The following SIK3 variants were observed in gnomAD, a reference collection of about 807,000 sequenced individuals.
SIK3 encodes serine/threonine-protein kinase SIK3.
In SIK3, 28 loss-of-function variants were observed where a neutral mutation model predicts 144.2. That is an observed-to-expected ratio of 0.19 (90% confidence interval 0.14 to 0.27). The LOEUF (loss-of-function observed/expected upper bound fraction) is 0.27, where lower values mean the gene tolerates loss of function less well. Ranked by LOEUF, SIK3 falls within the 10% of genes least tolerant of loss-of-function variation. SIK3 has a pLI of 1.00. For missense variants in SIK3, 1,319 were observed against 1,776.0 expected (o/e 0.74, Z 4.62); for synonymous variants, 686 against 676.3 (o/e 1.01, Z -0.22).
intron 3 of SIK3, among the ~76,000 whole-genome samples, chr11:116,940,086 C>T (rs969362424): frequency 6.6e-6 from 1 of 152,128 alleles, no homozygotes; most frequent in Non-Finnish European, 1.5e-5. Flanking sequence ...TATGAAAGAA[C>T]AACTGATATT....
At chr11:117,069,140 G>A (rs890546334) in intron 1 of SIK3, among the ~76,000 whole-genome samples, 2 of 139,696 alleles carry the variant, frequency 1.4e-5, no homozygotes, top group Non-Finnish European at 3.1e-5. Context: ...AAAGGGGTAG[G>A]CTTGACAATT....
At chr11:116,923,981 G>C (rs543609963) in intron 4 of SIK3, among the ~76,000 whole-genome samples, 48 of 152,124 alleles carry the variant, frequency 3.2e-4, no homozygotes, top group African/African-American at 1.1e-3. Context: ...AAAACTAAAG[G>C]ATATAAAATT....
intron 3 of SIK3, among the ~76,000 whole-genome samples, chr11:116,933,339 C>T (rs952701710): frequency 1.3e-5 from 2 of 152,050 alleles, no homozygotes; most frequent in Admixed American, 1.3e-4. Flanking sequence ...CAGGGTTTCA[C>T]CATATTGGCC....
At chr11:117,014,715 T>G (rs1951447598) in intron 1 of SIK3, among the ~76,000 whole-genome samples, 1 of 152,224 alleles carries the variant, frequency 6.6e-6, no homozygotes, top group South Asian at 2.1e-4. Flanking sequence ...CATTATGCAA[T>G]GATTACCATA....
intron 1 of SIK3, among the ~76,000 whole-genome samples, chr11:117,025,117 C>T (rs1447162834): frequency 6.6e-6 from 1 of 152,156 alleles, no homozygotes; most frequent in Non-Finnish European, 1.5e-5. Context: ...TACTACCTCA[C>T]TCAGTGTGGA....
At chr11:116,976,796 T>A (rs1410909707) in intron 1 of SIK3, among the ~76,000 whole-genome samples, 1 of 152,208 alleles carries the variant, frequency 6.6e-6, no homozygotes, top group Non-Finnish European at 1.5e-5. Context: ...TTTTCTATTT[T>A]AAAAAATGTC....
chr11:116,919,796 C>T (rs912847620), intron 4 of SIK3, among the ~76,000 whole-genome samples: 17 of 152,158 alleles, frequency 1.1e-4, no homozygotes, highest in Admixed American at 7.9e-4. Flanking sequence ...TTCTTTATTT[C>T]TAAACATATC....
chr11:116,994,411 C>A (rs1950592128), intron 1 of SIK3, among the ~76,000 whole-genome samples: 1 of 152,212 alleles, frequency 6.6e-6, no homozygotes, highest in East Asian at 1.9e-4. Flanking sequence ...CCTGGAGCCA[C>A]ACTGACTGCT....
At chr11:116,862,045 G>C in intron 17 of SIK3, 119 bp from the exon 18 acceptor site, 1 of 1,280,568 alleles carries the variant, frequency 7.8e-7, no homozygotes, top group Non-Finnish European at 1.1e-6. Context: ...TGCTTTTGTT[G>C]TTCACCAGAA....
At chr11:117,089,201 C>A (rs925794812) in intron 1 of SIK3, among the ~76,000 whole-genome samples, 2 of 151,764 alleles carry the variant, frequency 1.3e-5, no homozygotes, top group Non-Finnish European at 2.9e-5. Context: ...GTCAGGAAAT[C>A]GAGACCAGCC....
intron 13 of SIK3, among the ~76,000 whole-genome samples, chr11:116,870,811 T>C (rs897702599): frequency 1.3e-5 from 2 of 152,056 alleles, no homozygotes; most frequent in African/African-American, 2.4e-5. Context: ...CTGGAGGAGG[T>C]AGCACCTAGC....
At chr11:117,096,350 A>C (rs1955468813) in intron 1 of SIK3, among the ~76,000 whole-genome samples, 1 of 152,242 alleles carries the variant, frequency 6.6e-6, no homozygotes, top group Non-Finnish European at 1.5e-5. Flanking sequence ...TCAGAGCAAA[A>C]TAACCACAGG....
At chr11:116,848,916 T>C (rs948181075) in intron 22 of SIK3, among the ~76,000 whole-genome samples, 2 of 152,054 alleles carry the variant, frequency 1.3e-5, no homozygotes, top group Admixed American at 6.5e-5. Context: ...TGAGCTGATA[T>C]CGCGCCACTG....
rs1395828908 is a variant in SIK3 at position 117,036,230 on chromosome 11, AT to A, written c.273+61912del. ...GCCAATGTGCCCAGCCAAAAATAAA[AT>A]TTAAAAAAAAATAATGTAGGTAGTT... On this transcript the variant is annotated intron_variant, in intron 1 of 24. Transcript: ENST00000445177. Among the ~76,000 whole-genome samples, 390 of 133,434 alleles carry A rather than the reference AT, an allele frequency of 2.9e-3. 5 individuals are homozygous for A. Among genetic ancestry groups the A allele is most frequent in the African/African-American group, 6.7e-3 (206 of 30,790 alleles). 87.5% of individuals were successfully genotyped at this position (133,434 alleles called of 152,430 possible). A position where few individuals can be genotyped will look rare whatever the true frequency, so the allele number is the denominator to read the frequency against.
Position 116,976,366 on chromosome 11 carries a change from T to C in SIK3, c.274-19302A>G, listed in dbSNP as rs998165260. 1.4e-4 allele frequency among the ~76,000 whole-genome samples: 21 copies of C among 152,236 alleles called. 1 individual carries two copies. The highest frequency in any genetic ancestry group is 4.6e-4 in the African/African-American group (19 of 41,456). On this transcript the variant is annotated intron_variant, in intron 1 of 24. Transcript: ENST00000445177. ...AACTATAAAACTCTATGAAAACTCT[T>C]AGAGAGTTTTGTGGTCCACTTGAAG...
Position 116,858,634 on chromosome 11 carries a change from G to A in SIK3, c.2831C>T (p.Ser944Leu), listed in dbSNP as rs755779340. 2.8e-5 allele frequency: 45 copies of A among 1,597,132 alleles called. No individual in the cohort carries two copies. Among genetic ancestry groups the A allele is most frequent in the African/African-American group, 6.7e-5 (5 of 74,364 alleles). The stretch of plus-strand genomic sequence containing the variant: ...GCTGGGGGAACCCCGGGACTGGTCC[G>A]AAAACAGATGGGGGTGTAAATGCGC... ...DQAHLHPHLF[S>L]DQSRGSPSSY... is the part of the protein sequence containing the mutation. Residue 944 changes from serine to leucine, a missense_variant, in exon 21 of 25, where the codon TCG becomes TTG. Physicochemically the swap from Ser to Leu is moderately radical, Grantham distance 145 (BLOSUM62 -2). Around this residue, in one of 8 missense-constraint regions of SIK3, gnomAD observed 646 missense variants for 763.7 expected, o/e 0.85. Coordinates refer to ENST00000445177, the MANE Select transcript of SIK3 (RefSeq NM_001366686.3). The surrounding 1 kb of genome is among the most constrained non-coding windows in gnomAD (Gnocchi z 5.4).
intron 1 of SIK3, among the ~76,000 whole-genome samples, chr11:117,064,916 G>A (rs1178423297): frequency 1.3e-5 from 2 of 152,124 alleles, no homozygotes; most frequent in South Asian, 2.1e-4. Context: ...TTGGGAAGCC[G>A]AGGTGGGCAG....
intron 1 of SIK3, among the ~76,000 whole-genome samples, chr11:117,080,245 T>A (rs554960643): frequency 7.9e-4 from 120 of 152,274 alleles, no homozygotes; most frequent in Non-Finnish European, 1.5e-3. Flanking sequence ...TTGCCAGGGT[T>A]AAAAAGAACA....
At chr11:116,945,404 T>TTTA (rs60923211) in intron 3 of SIK3, among the ~76,000 whole-genome samples, 4 of 138,926 alleles carry the variant, frequency 2.9e-5, no homozygotes, top group Non-Finnish European at 6.2e-5. Context: ...TTTTTTTTTT[T>TTTA]AAATAACAGA....
Sources: gnomAD v4.1 joint callset for allele counts (sites outside exome capture counted in the v4.1 genomes callset) on GRCh38, gnomAD v4.1.1 for gene constraint, gnomAD v4.1.1 regional missense constraint, Gnocchi (gnomAD v3.1) non-coding constraint, MANE v1.5 for transcripts, NCBI Gene and HGNC (gene_info 2026-07-23, HGNC 2026-07-21) for gene names.